ARMH4: variants seen among roughly 807,000 people sequenced by gnomAD.
ARMH4 encodes the protein armadillo like helical domain containing 4.
ARMH4 carries 49 observed loss-of-function variants against 61.9 expected under a neutral mutation model. The ratio of observed to expected loss-of-function variants is 0.79; its 90% confidence interval spans 0.63 to 1.00. The LOEUF (loss-of-function observed/expected upper bound fraction) is 1.00, where lower values mean the gene tolerates loss of function less well. ARMH4 is among the 50% of genes least tolerant of loss of function. ARMH4 has a pLI of 0.00. For synonymous variants in ARMH4, 368 were observed against 341.5 expected (o/e 1.08, Z -0.85); for missense variants, 934 against 930.0 (o/e 1.00, Z -0.06).
intron 4 of ARMH4, among the ~76,000 whole-genome samples, chr14:58,099,692 T>C (rs1292636056): frequency 6.6e-6 from 1 of 151,968 alleles, no homozygotes; most frequent in African/African-American, 2.4e-5. Context: ...TAAAATAGAA[T>C]ATAGAAAATA....
chr14:58,115,972 T>G (rs888533170), intron 4 of ARMH4: 4 of 152,182 alleles, frequency 2.6e-5, no homozygotes. Flanking sequence ...GCTCACTACC[T>G]GAGTGATGGG....
rs371405542 is a variant in ARMH4 at position 58,138,252 on chromosome 14, C to A, written c.1107G>T (p.Leu369=). Residue 369 remains leucine (L), a synonymous_variant, in exon 2 of 8, where the codon CTG becomes CTT. Coordinates refer to ENST00000267485, the MANE Select transcript of ARMH4 (RefSeq NM_001001872.4). ...TGCCCGTGTGTGTTTCCCCTTCAGGCAGCCCCAGAGCCACCTGTGCAGCCT... is the reference window on the plus strand; with the variant it reads ...TGCCCGTGTGTGTTTCCCCTTCAGGAAGCCCCAGAGCCACCTGTGCAGCCT... The part of the protein sequence containing the change: ...WTEAAQVALG[L]PEGETHTGTA... The A allele has an allele frequency of 1.0e-4, 166 of 1,614,126 alleles. No individual in the cohort carries two copies. Among genetic ancestry groups the A allele is most frequent in the Non-Finnish European group, 1.3e-4 (156 of 1,180,058 alleles).
chr14:58,090,976 G>A (rs1006768910), intron 5 of ARMH4, among the ~76,000 whole-genome samples: 1 of 152,012 alleles, frequency 6.6e-6, no homozygotes, highest in Non-Finnish European at 1.5e-5. Context: ...AGCACTTTGG[G>A]AGACCGAGTG....
intron 4 of ARMH4, among the ~76,000 whole-genome samples, chr14:58,102,627 A>T (rs973783563): frequency 6.8e-6 from 1 of 146,492 alleles, no homozygotes; most frequent in Non-Finnish European, 1.5e-5. Context: ...CTGGCTAACA[A>T]GGTGAAACCC....
At chr14:58,083,068 T>C (rs1290367063) in intron 5 of ARMH4, among the ~76,000 whole-genome samples, 2 of 152,226 alleles carry the variant, frequency 1.3e-5, no homozygotes, top group East Asian at 3.9e-4. Flanking sequence ...GATGGAGATA[T>C]GGGTGAAAGA....
chr14:58,119,203 T>C (rs552950838), intron 4 of ARMH4, among the ~76,000 whole-genome samples: 1 of 152,370 alleles, frequency 6.6e-6, no homozygotes, highest in African/African-American at 2.4e-5. Context: ...TACATTTTTC[T>C]TCTAATCTTT....
chr14:58,009,297 TCCTC>T (rs1451659042), intron 6 of ARMH4, among the ~76,000 whole-genome samples: 1 of 152,136 alleles, frequency 6.6e-6, no homozygotes, highest in Non-Finnish European at 1.5e-5. Context: ...AGTGCTTTTA[TCCTC>T]CCTTTTAAAA....
At chr14:58,126,032 G>A (rs976382044) in intron 4 of ARMH4, among the ~76,000 whole-genome samples, 8 of 152,076 alleles carry the variant, frequency 5.3e-5, no homozygotes, top group Non-Finnish European at 1.2e-4. Context: ...CAGGGGGAGG[G>A]ACAATGATCG....
At chr14:58,048,725 G>A (rs1437192983) in intron 5 of ARMH4, among the ~76,000 whole-genome samples, 6 of 152,290 alleles carry the variant, frequency 3.9e-5, no homozygotes, top group East Asian at 1.9e-4. Context: ...AAACAAGAGC[G>A]AGACATATGA....
At chr14:58,048,908 A>C (rs959490009) in intron 5 of ARMH4, among the ~76,000 whole-genome samples, 2 of 152,184 alleles carry the variant, frequency 1.3e-5, no homozygotes, top group African/African-American at 4.8e-5. Context: ...AAATACATTA[A>C]GCCTCACTGA....
intron 4 of ARMH4, 160 bp downstream of exon 4, chr14:58,131,352 C>T: frequency 1.8e-6 from 1 of 547,272 alleles, no homozygotes; most frequent in Non-Finnish European, 3.2e-6. Flanking sequence ...ACAAACCATT[C>T]AAAAACAAGT....
At chr14:58,044,744 A>G (rs576511965) in intron 5 of ARMH4, among the ~76,000 whole-genome samples, 1 of 152,368 alleles carries the variant, frequency 6.6e-6, no homozygotes, top group East Asian at 1.9e-4. Context: ...TCCAGAATCT[A>G]CAAAGAACTC....
rs76687910 is a variant in ARMH4, at chr14:58,011,581, A to C, written c.2121+538T>G. On this transcript the variant is annotated intron_variant, in intron 6 of 7. Coordinates refer to ENST00000267485, the MANE Select transcript of ARMH4 (RefSeq NM_001001872.4). The stretch of plus-strand genomic sequence containing the variant: ...AAGTGAAAACTTGGAGAGGATTGAA[A>C]ATCAAAAGAAAATGAACAATATCAA... 4.4e-3 allele frequency among the ~76,000 whole-genome samples: 673 copies of C among 152,282 alleles called. 4 individuals carry two copies. The highest frequency in any genetic ancestry group is 0.015 in the African/African-American group (641 of 41,564).
At chr14:58,093,747 G>A (rs1365341035) in intron 5 of ARMH4, among the ~76,000 whole-genome samples, 7 of 152,056 alleles carry the variant, frequency 4.6e-5, no homozygotes, top group African/African-American at 1.7e-4. Context: ...AGAAAAGGTT[G>A]GTGGGCTAAT....
At chr14:58,139,461 T>C (rs748480640) in intron 1 of ARMH4, 47 bp from the exon 2 acceptor site, 2 of 1,037,288 alleles carry the variant, frequency 1.9e-6, no homozygotes, top group Non-Finnish European at 2.8e-6. Flanking sequence ...ATACATGTTG[T>C]AAATAAGTCT....
intron 5 of ARMH4, among the ~76,000 whole-genome samples, chr14:58,032,317 C>T (rs1045810204): frequency 4.6e-5 from 7 of 152,076 alleles, no homozygotes; most frequent in Non-Finnish European, 1.0e-4. Context: ...CTGTTGTTCT[C>T]ATATATTAGG....
chr14:58,137,479 C>G (rs1210345345), intron 2 of ARMH4, among the ~76,000 whole-genome samples: 1 of 130,144 alleles, frequency 7.7e-6, no homozygotes, highest in African/African-American at 2.5e-5. Context: ...CTCACTGCAA[C>G]CTCCGCCTTC....
chr14:58,085,869 A>G (rs919372439), intron 5 of ARMH4, among the ~76,000 whole-genome samples: 1 of 152,228 alleles, frequency 6.6e-6, no homozygotes, highest in African/African-American at 2.4e-5. Context: ...AGGGCATTAA[A>G]GAAACAAAAA....
chr14:58,142,736 T>G (rs1309666262), intron 1 of ARMH4, among the ~76,000 whole-genome samples: 1 of 152,118 alleles, frequency 6.6e-6, no homozygotes. Flanking sequence ...CCTCCCAAAG[T>G]GCTGAAATTA....
Sources: allele counts gnomAD v4.1 joint callset (sites outside exome capture counted in the v4.1 genomes callset), GRCh38; gene constraint gnomAD v4.1.1; transcripts MANE v1.5; gene names NCBI Gene and HGNC (gene_info 2026-07-23, HGNC 2026-07-21).